Variants in AREG observed in about 807,000 individuals in gnomAD.
AREG encodes the protein amphiregulin B.
A neutral mutation model predicts 28.0 loss-of-function variants in AREG; 16 were observed. The observed-to-expected ratio is 0.57, with a 90% CI of 0.39 to 0.87. The LOEUF is 0.87. Among genes scored for constraint, AREG ranks in the 40% least tolerant of loss-of-function variants. AREG has a pLI of 0.00. For missense variants in AREG, 287 were observed against 309.1 expected, an observed-to-expected ratio of 0.93 and a Z score of 0.53; for synonymous variants, 113 against 113.5, an observed-to-expected ratio of 1.00 and a Z score of 0.02.
intron 5 of AREG, among the ~76,000 whole-genome samples, chr4:74,453,302 C>A (rs1359990801): frequency 1.3e-5 from 2 of 152,104 alleles, no homozygotes; most frequent in Non-Finnish European, 2.9e-5. Context: ...AGGTTGAATG[C>A]TCTTTTTTTA....
chr4:74,445,241 C>G lies in AREG; in HGVS notation c.-105C>G, dbSNP rs1578842803. ...CAAGCCTTCGAGAGCGGCGCACACT[C>G]CCGGTCTCCACTCGCTCTTCCAACA... On this transcript the variant is annotated 5_prime_UTR_variant, in exon 1 of 6. Coordinates refer to ENST00000395748, the MANE Select transcript of AREG (RefSeq NM_001657.4). 8.4e-6 allele frequency: 13 copies of G among 1,546,920 alleles called. No individual in the cohort carries two copies. The highest frequency in any genetic ancestry group is 2.4e-5 in the East Asian group (1 of 40,964).
At position 74,454,936 on chromosome 4, in the gene AREG, T is replaced by G; in HGVS notation, c.*196T>G. ...GAAGGTAAAAAGTATTTTTTCAAGT[T>G]GTAAATAATTTATTTAATATTTAAT... On this transcript the variant is annotated 3_prime_UTR_variant, in exon 6 of 6. Transcript: ENST00000395748. 1.5e-6 allele frequency: 1 copy of G among 650,286 alleles called. No homozygotes were observed. Among genetic ancestry groups the G allele is most frequent in the Non-Finnish European group, 2.7e-6 (1 of 364,222 alleles). 40.3% of individuals were successfully genotyped at this position (650,286 alleles called of 1,614,324 possible).
At chr4:74,451,624 A>G (rs1435684099) in intron 4 of AREG, among the ~76,000 whole-genome samples, 19 of 152,224 alleles carry the variant, frequency 1.2e-4, no homozygotes, top group Non-Finnish European at 2.9e-5. Flanking sequence ...CTGGTTTTCT[A>G]GTACCTCAAG....
chr4:74,446,829 A>G, intron 2 of AREG, 47 bp downstream of exon 2: 2 of 1,613,832 alleles, frequency 1.2e-6, no homozygotes, highest in Admixed American at 1.7e-5. Context: ...ATGTGGGTTT[A>G]TATGAGCAAA....
intron 4 of AREG, 128 bp downstream of exon 4, chr4:74,450,660 T>C: frequency 1.5e-6 from 2 of 1,339,260 alleles, no homozygotes; most frequent in Non-Finnish European, 2.0e-6. Context: ...TTGGTTTATA[T>C]TTTTATATTT....
intron 2 of AREG, among the ~76,000 whole-genome samples, chr4:74,447,097 A>T (rs548395575): frequency 1.6e-4 from 25 of 152,350 alleles, no homozygotes; most frequent in African/African-American, 6.0e-4. Flanking sequence ...ACAGGTGACA[A>T]GCAGATGAGC....
intron 1 of AREG, 113 bp downstream of exon 1, chr4:74,445,519 C>G (rs1028534899): frequency 1.4e-5 from 21 of 1,531,790 alleles, no homozygotes; most frequent in Non-Finnish European, 1.9e-5. Context: ...CGACCCTGCG[C>G]CGCAGGAGGT....
At position 74,449,108 on chromosome 4, in the gene AREG, C is replaced by T; in HGVS notation, c.372C>T (p.Pro124=). 1 of 1,610,238 alleles carries T rather than the reference C, an allele frequency of 6.2e-7. No individual in the cohort carries two copies. The change falls in exon 3 of 6, where the codon CCC becomes CCT. Residue 124 remains proline, a synonymous_variant. Transcript: ENST00000395748. ...KTESENTSDK[P]KRKKKGGKNG... ...AAAGTGAAAATACTTCAGATAAACC[C>T]AAAAGAAAGAAAAAGGGAGGCAAAA...
intron 3 of AREG, 152 bp downstream of exon 3, chr4:74,449,400 G>T: frequency 3.6e-6 from 5 of 1,395,234 alleles, no homozygotes; most frequent in African/African-American, 1.5e-5. Flanking sequence ...TAGGCTTAGT[G>T]GGCCAAGATT....
Position 74,445,306 on chromosome 4 carries a change from G to A in AREG, c.-40G>A. The A allele has an allele frequency of 6.2e-7, 1 of 1,600,962 alleles. No homozygotes were observed. The highest frequency in any genetic ancestry group is 8.5e-7 in the Non-Finnish European group (1 of 1,175,724). ...CGGCAGCTCGTGTCCCAGAGACCGA[G>A]TTGCCCCAGAGACCGAGACGCCGCC... On this transcript the variant is annotated 5_prime_UTR_variant, in exon 1 of 6. Transcript: ENST00000395748.
At position 74,454,836 on chromosome 4, in the gene AREG, T is replaced by A; in HGVS notation, c.*96T>A. ...CTCTTTCCAGTGGATCATAAGACAA[T>A]GGACCCTTTTTGTTATGATGGTTTT... On this transcript the variant is annotated 3_prime_UTR_variant, in exon 6 of 6. Transcript: ENST00000395748. The A allele has an allele frequency of 4.3e-6, 3 of 700,260 alleles. No individual in the cohort carries two copies. Among genetic ancestry groups the A allele is most frequent in the Non-Finnish European group, 7.8e-6 (3 of 383,592 alleles). 43.4% of individuals were successfully genotyped at this position (700,260 alleles called of 1,614,324 possible).
At chr4:74,446,140 A>G (rs1719282387) in intron 1 of AREG, among the ~76,000 whole-genome samples, 1 of 152,248 alleles carries the variant, frequency 6.6e-6, no homozygotes, top group Non-Finnish European at 1.5e-5. Flanking sequence ...TGATATTTGT[A>G]TCTAAAACCT....
Position 74,452,533 on chromosome 4 carries a change from G to C in AREG, c.666-11G>C, listed in dbSNP as rs891535686. ...AACCTTGATAACATTAGAATGCCTTGTTCTCTGAAGGCTTAGAAGACAATA... is the reference window on the plus strand; with the variant it reads ...AACCTTGATAACATTAGAATGCCTTCTTCTCTGAAGGCTTAGAAGACAATA... On this transcript the variant is annotated splice_polypyrimidine_tract_variant and intron_variant, in intron 4 of 5. Coordinates refer to ENST00000395748, the MANE Select transcript of AREG (RefSeq NM_001657.4). 1,647 of 1,613,346 alleles carry C rather than the reference G, an allele frequency of 1.0e-3. 1 individual carries two copies. Among genetic ancestry groups the C allele is most frequent in the Non-Finnish European group, 1.3e-3 (1,503 of 1,179,570 alleles).
chr4:74,450,318 A>G (rs2643004), intron 3 of AREG, 62 bp from the exon 4 acceptor site: 1,280,974 of 1,612,688 alleles, frequency 0.79, 512,551 homozygotes, highest in East Asian at 1. Flanking sequence ...GATCTGGAGA[A>G]TAAGCTTAAA....
At chr4:74,447,025 A>G (rs1206923150) in intron 2 of AREG, among the ~76,000 whole-genome samples, 1 of 152,212 alleles carries the variant, frequency 6.6e-6, no homozygotes, top group African/African-American at 2.4e-5. Context: ...TTAAGTAGGA[A>G]TTGTTATCCT....
chr4:74,451,415 T>C (rs1560614949), intron 4 of AREG, among the ~76,000 whole-genome samples: 1 of 152,210 alleles, frequency 6.6e-6, no homozygotes, highest in Non-Finnish European at 1.5e-5. Context: ...TCTTGGTAAA[T>C]AACTTTAACA....
rs779498928 is a variant in AREG, at chr4:74,446,703, G to A, written c.231G>A (p.Ser77=). Residue 77 remains serine (S), a synonymous_variant, in exon 2 of 6, where the codon TCG becomes TCA. Transcript: ENST00000395748. ...SEMPSSSEPS[S]GADYDYSEEY... ...TGCCTTCTAGTAGTGAACCGTCCTC[G>A]GGAGCCGACTATGACTACTCAGAAG... 9.3e-6 allele frequency: 15 copies of A among 1,613,802 alleles called. No homozygotes were observed. The highest frequency in any genetic ancestry group is 5.3e-5 in the African/African-American group (4 of 74,892).
chr4:74,446,443 GTCAAAAGATAAACTTT>G, intron 1 of AREG, 75 bp from the exon 2 acceptor site: 3 of 1,607,244 alleles, frequency 1.9e-6, no homozygotes, highest in African/African-American at 1.3e-5. Context: ...CTGCTTTGAT[GTCAAAAGATAAACTTT>G]TCTACCTAAC....
chr4:74,449,238 G>A lies in AREG; in HGVS notation c.502G>A (p.Val168Ile), dbSNP rs1420119310. ...ECKYIEHLEA[V>I]TCKCQQEYFG... ...CAAATATATAGAGCACCTGGAAGCA[G>A]TAACATGCAAGTAAGTTTTCCTAAA... The change falls in exon 3 of 6, where the codon GTA becomes ATA. Residue 168 changes from valine (V) to isoleucine (I), a missense_variant. Val to Ile is a conservative substitution (Grantham distance 29). Coordinates refer to ENST00000395748, the MANE Select transcript of AREG (RefSeq NM_001657.4). The A allele has an allele frequency of 6.2e-7, 1 of 1,613,502 alleles. No individual in the cohort carries two copies. Among genetic ancestry groups the A allele is most frequent in the South Asian group, 1.1e-5 (1 of 90,992 alleles).
Sources: allele counts gnomAD v4.1 joint callset (sites outside exome capture counted in the v4.1 genomes callset), GRCh38; gene constraint gnomAD v4.1.1; transcripts MANE v1.5; gene names NCBI Gene and HGNC (gene_info 2026-07-23, HGNC 2026-07-21).